The following SORCS1 variants were observed in gnomAD, a reference collection of about 807,000 sequenced individuals.
The protein encoded by SORCS1 is sortilin related VPS10 domain containing receptor 1, also known as VPS10 domain-containing receptor SorCS1.
Under a neutral mutation model 146.1 loss-of-function variants are expected in SORCS1, and 60 were observed. The ratio of observed to expected loss-of-function variants is 0.41; its 90% CI spans 0.33 to 0.51. SORCS1 has a LOEUF of 0.51. Ranked by LOEUF, SORCS1 falls within the 20% of genes least tolerant of loss-of-function variation. SORCS1 has a pLI of 0.21. For synonymous variants in SORCS1, 637 were observed against 584.0 expected, an observed-to-expected ratio of 1.09 and a Z score of -1.31; for missense variants, 1,352 against 1,487.6, an observed-to-expected ratio of 0.91 and a Z score of 1.50.
intron 1 of SORCS1, among the ~76,000 whole-genome samples, chr10:107,117,502 A>T (rs1289736132): frequency 6.6e-6 from 1 of 152,152 alleles, no homozygotes; most frequent in Non-Finnish European, 1.5e-5. Flanking sequence ...ATGAGTACCC[A>T]GGAAAGCGCT....
intron 5 of SORCS1, among the ~76,000 whole-genome samples, chr10:106,755,268 T>G (rs1858548558): frequency 6.6e-6 from 1 of 152,216 alleles, no homozygotes; most frequent in South Asian, 2.1e-4. Flanking sequence ...CTGTCTTTTA[T>G]TGGAGGATGA....
chr10:107,178,504 T>TA, the SORCS1 span, among the ~76,000 whole-genome samples: 3,124 of 145,266 alleles, frequency 0.022, 45 homozygotes, highest in Middle Eastern at 0.046. Context: ...ATATATATAT[T>TA]TTTTTTTAAG....
At chr10:106,889,002 G>T (rs1589638037) in intron 2 of SORCS1, among the ~76,000 whole-genome samples, 1 of 152,100 alleles carries the variant, frequency 6.6e-6, no homozygotes, top group Admixed American at 6.6e-5. Flanking sequence ...AAACATCAAG[G>T]TCATTCCAAT....
chr10:107,006,025 T>C (rs1022539324), intron 1 of SORCS1, among the ~76,000 whole-genome samples: 2 of 152,236 alleles, frequency 1.3e-5, no homozygotes, highest in African/African-American at 4.8e-5. Context: ...CTCCCCTTCA[T>C]ATTTCCCTAC....
intron 2 of SORCS1, among the ~76,000 whole-genome samples, chr10:106,912,551 A>G (rs1046452597): frequency 6.6e-5 from 10 of 152,312 alleles, no homozygotes; most frequent in African/African-American, 1.4e-4. Context: ...TGATTGCATT[A>G]AGGATCACTG....
the SORCS1 span, among the ~76,000 whole-genome samples, chr10:107,176,063 T>A: frequency 1.3e-5 from 2 of 152,318 alleles, no homozygotes; most frequent in Non-Finnish European, 1.5e-5. Flanking sequence ...TATTTGAAAC[T>A]TTTTATTCCC....
chr10:106,890,405 G>A (rs952220049), intron 2 of SORCS1, among the ~76,000 whole-genome samples: 3 of 152,014 alleles, frequency 2.0e-5, no homozygotes, highest in African/African-American at 7.3e-5. Flanking sequence ...TAATTGATCT[G>A]ACAACCTGAT....
intron 1 of SORCS1, among the ~76,000 whole-genome samples, chr10:107,046,084 C>T (rs138992385): frequency 0.024 from 3,628 of 152,014 alleles, 44 homozygotes; most frequent in Non-Finnish European, 0.027. Context: ...GTAGCTGGGA[C>T]TACAGGCACG....
chr10:106,618,362 AC>A (rs1361796681), intron 20 of SORCS1, 90 bp from the exon 21 acceptor site: 1 of 1,516,270 alleles, frequency 6.6e-7, no homozygotes, highest in Non-Finnish European at 8.9e-7. Context: ...AGGCTGTCTA[AC>A]CCAGCAGAGG....
chr10:106,831,503 C>T (rs757788452), intron 2 of SORCS1, among the ~76,000 whole-genome samples: 17 of 151,976 alleles, frequency 1.1e-4, no homozygotes, highest in Non-Finnish European at 1.9e-4. Context: ...TGATTTAATT[C>T]GAAAAACACA....
At chr10:106,962,407 A>AG (rs1435604482) in intron 1 of SORCS1, among the ~76,000 whole-genome samples, 2 of 150,334 alleles carry the variant, frequency 1.3e-5, no homozygotes, top group Non-Finnish European at 3.0e-5. Context: ...AAAAAAAAAA[A>AG]AAAAAAAAGA....
chr10:106,765,086 A>T (rs1303710408), intron 4 of SORCS1, among the ~76,000 whole-genome samples: 1 of 152,060 alleles, frequency 6.6e-6, no homozygotes, highest in Admixed American at 6.5e-5. Flanking sequence ...CATTAGTATA[A>T]ATGTTGAAAA....
intron 2 of SORCS1, among the ~76,000 whole-genome samples, chr10:106,907,067 A>G (rs1951940088): frequency 6.6e-6 from 1 of 152,216 alleles, no homozygotes; most frequent in South Asian, 2.1e-4. Flanking sequence ...GTGGGGAAAC[A>G]GGCACCCAAA....
intron 17 of SORCS1, among the ~76,000 whole-genome samples, chr10:106,665,263 C>T (rs1851039334): frequency 6.6e-6 from 1 of 152,104 alleles, no homozygotes; most frequent in Non-Finnish European, 1.5e-5. Context: ...CAAGTGGATT[C>T]TCTGTACTGT....
At chr10:107,004,870 T>C (rs938781445) in intron 1 of SORCS1, among the ~76,000 whole-genome samples, 28 of 152,138 alleles carry the variant, frequency 1.8e-4, no homozygotes, top group African/African-American at 5.8e-4. Context: ...TGTGGGTGGG[T>C]GGGCCTGTGC....
intron 2 of SORCS1, among the ~76,000 whole-genome samples, chr10:106,944,955 GGCTCACTGCAACCTCTGGCTCCC>G: frequency 7.8e-6 from 1 of 129,026 alleles, no homozygotes; most frequent in Non-Finnish European, 1.6e-5. Flanking sequence ...ATGTGATCTT[GGCTCACTGCAACCTCTGGCTCCC>G]GGGTTCAAGC....
At chr10:106,831,407 T>G (rs1948538190) in intron 2 of SORCS1, among the ~76,000 whole-genome samples, 1 of 152,126 alleles carries the variant, frequency 6.6e-6, no homozygotes, top group African/African-American at 2.4e-5. Context: ...ACAATTTTAT[T>G]TGAAAGAAAG....
chr10:107,177,368 G>T, the SORCS1 span, among the ~76,000 whole-genome samples: 1 of 152,036 alleles, frequency 6.6e-6, no homozygotes, highest in African/African-American at 2.4e-5. Context: ...TCCCCCAATG[G>T]TAACATCTTG....
chr10:106,978,521 C>G (rs191414441), intron 1 of SORCS1, among the ~76,000 whole-genome samples: 1 of 152,106 alleles, frequency 6.6e-6, no homozygotes, highest in Admixed American at 6.5e-5. Flanking sequence ...AAATAGTGGC[C>G]GGGCATGGTA....
Sources: gnomAD v4.1 joint callset for allele counts (sites outside exome capture counted in the v4.1 genomes callset) on GRCh38, gnomAD v4.1.1 for gene constraint, MANE v1.5 for transcripts, NCBI Gene and HGNC (gene_info 2026-07-23, HGNC 2026-07-21) for gene names.